Variants in CHD7 observed in about 807,000 individuals in gnomAD.
CHD7 encodes the protein ATP-dependent chromatin remodeler CHD7.
In CHD7, 24 loss-of-function variants were observed where a neutral mutation model predicts 307.3. That is an observed-to-expected ratio of 0.08 (90% CI 0.06 to 0.11). The LOEUF is 0.11. Among genes scored for constraint, CHD7 ranks in the 10% least tolerant of loss-of-function variants. The pLI is 1.00. For synonymous variants in CHD7, 1,363 were observed against 1,349.9 expected (o/e 1.01, Z -0.21); for missense variants, 3,106 against 3,727.1 (o/e 0.83, Z 4.34).
At chr8:60,840,658 C>T (rs1474640751) in intron 19 of CHD7, among the ~76,000 whole-genome samples, 1 of 150,082 alleles carries the variant, frequency 6.7e-6, no homozygotes, top group Admixed American at 6.7e-5. Flanking sequence ...TGCTCTGTTG[C>T]CCAGGTTGGA....
chr8:60,811,626 T>C (rs1812812036), intron 7 of CHD7, among the ~76,000 whole-genome samples: 1 of 152,216 alleles, frequency 6.6e-6, no homozygotes, highest in East Asian at 1.9e-4. Flanking sequence ...CGGATAATGC[T>C]ACAATATATA....
intron 2 of CHD7, among the ~76,000 whole-genome samples, chr8:60,763,993 T>C (rs925291223): frequency 6.6e-5 from 10 of 152,172 alleles, no homozygotes; most frequent in Admixed American, 5.9e-4. Flanking sequence ...TCTTTTGTTC[T>C]TTCTTTTTTT....
At chr8:60,806,312 G>A (rs1046679264) in intron 6 of CHD7, among the ~76,000 whole-genome samples, 13 of 152,032 alleles carry the variant, frequency 8.6e-5, no homozygotes, top group Admixed American at 2.6e-4. Flanking sequence ...GCAGTGAGCC[G>A]AGATTGCGCC....
chr8:60,787,232 C>A (rs754673605), intron 3 of CHD7, among the ~76,000 whole-genome samples: 2 of 152,124 alleles, frequency 1.3e-5, no homozygotes, highest in Non-Finnish European at 2.9e-5. Flanking sequence ...TCACCTGAGG[C>A]ACCTGATTGA....
In CHD7 at chr8:60,836,326, T is replaced by C. The variant is rs747931886; in HGVS notation, c.3989+43T>C. On this transcript the variant is annotated intron_variant, in intron 16 of 37. Transcript: ENST00000423902. The stretch of plus-strand genomic sequence containing the variant: ...AGAATAATAAAAAGGAAATCTAAAA[T>C]TACCTTCCCAGGGGTCCAAGCAGTC... 3.9e-6 allele frequency: 6 copies of C among 1,557,416 alleles called. No homozygotes were observed. In the African/African-American group the frequency reaches 8.2e-5, roughly 21 times the overall value.
intron 3 of CHD7, among the ~76,000 whole-genome samples, chr8:60,781,754 A>T (rs1811247258): frequency 6.6e-6 from 1 of 152,214 alleles, no homozygotes; most frequent in Non-Finnish European, 1.5e-5. Context: ...CAGCAACCTC[A>T]TTTTCAGTGA....
intron 14 of CHD7, 132 bp from the exon 15 acceptor site, chr8:60,830,190 A>T (rs1804443338): frequency 1.1e-6 from 1 of 894,698 alleles, no homozygotes; most frequent in Non-Finnish European, 1.7e-6. Flanking sequence ...GAGCTCCTTC[A>T]TACTCTCACT....
In CHD7 at chr8:60,777,635, T is replaced by TCG. The variant is rs1442863444; in HGVS notation, c.1666-3365_1666-3364insCG. ...AATTTGCATCTTGTCCATTCTGCTG[T>TCG]TTTATATACGATAATTTAGTTGTAT... On this transcript the variant is annotated intron_variant, in intron 2 of 37. Transcript: ENST00000423902. Among the ~76,000 whole-genome samples the TCG allele has an allele frequency of 1.3e-4, 20 of 152,214 alleles. 1 individual carries two copies. The highest frequency in any genetic ancestry group is 4.6e-4 in the Admixed American group (7 of 15,278).
At position 60,833,880 on chromosome 8, in the gene CHD7, T is replaced by A. The variant is rs78587023; in HGVS notation, c.3779-2193T>A. On this transcript the variant is annotated intron_variant, in intron 15 of 37. Coordinates refer to ENST00000423902, the MANE Select transcript of CHD7 (RefSeq NM_017780.4). ...TTCCTCCCCAACACTCTTCCCACCC[T>A]CTTTCCTTCAATGTTGCCACAATAA... is the stretch of plus-strand genomic sequence containing the variant. 2.1e-4 allele frequency among the ~76,000 whole-genome samples: 32 copies of A among 152,334 alleles called. 1 individual carries two copies. The East Asian group carries it at 6.2e-3, about 29-fold the overall frequency.
At chr8:60,783,723 G>T (rs368570685) in intron 3 of CHD7, among the ~76,000 whole-genome samples, 1 of 152,250 alleles carries the variant, frequency 6.6e-6, no homozygotes, top group East Asian at 1.9e-4. Flanking sequence ...GGATTTACAG[G>T]TTAAACGGGA....
intron 1 of CHD7, among the ~76,000 whole-genome samples, chr8:60,725,525 T>C (rs1390965952): frequency 1.3e-5 from 2 of 152,244 alleles, no homozygotes; most frequent in African/African-American, 4.8e-5. Flanking sequence ...GACATTAAGC[T>C]ATTTTATTGT....
At position 60,854,367 on chromosome 8, in the gene CHD7, A is replaced by G. The variant is rs777945326; in HGVS notation, c.6780A>G (p.Gly2260=). The stretch of plus-strand genomic sequence containing the variant: ...GCACATTAACTCATTTCTCAGCAGG[A>G]GCTGTCTCTAGAGGGAAGAATTTTG... ...KSEESSQPEA[G]AVSRGKNFDE... is the part of the protein sequence containing the mutation. The change falls in exon 32 of 38, where the codon GGA becomes GGG. Residue 2260 remains glycine, a synonymous_variant. Coordinates refer to ENST00000423902, the MANE Select transcript of CHD7 (RefSeq NM_017780.4). The G allele has an allele frequency of 8.7e-6, 14 of 1,613,386 alleles. No individual in the cohort carries two copies. The South Asian group carries it at 1.5e-4, about 18-fold the overall frequency.
At chr8:60,719,634 A>G (rs1807796369) in intron 1 of CHD7, among the ~76,000 whole-genome samples, 1 of 152,166 alleles carries the variant, frequency 6.6e-6, no homozygotes, top group Non-Finnish European at 1.5e-5. Flanking sequence ...AAAGTGTACA[A>G]AGCACATTCT....
At chr8:60,685,864 C>T (rs1389449765) in intron 1 of CHD7, among the ~76,000 whole-genome samples, 1 of 152,108 alleles carries the variant, frequency 6.6e-6, no homozygotes, top group Non-Finnish European at 1.5e-5. Flanking sequence ...AAATACAGGA[C>T]AGTAATTTTG....
At chr8:60,700,062 T>C (rs1720549706) in intron 1 of CHD7, among the ~76,000 whole-genome samples, 1 of 152,120 alleles carries the variant, frequency 6.6e-6, no homozygotes, top group African/African-American at 2.4e-5. Context: ...GCTCTCGAAC[T>C]CCCGACCTCA....
intron 3 of CHD7, among the ~76,000 whole-genome samples, chr8:60,784,792 A>G (rs1468374023): frequency 1.3e-5 from 2 of 152,206 alleles, no homozygotes; most frequent in Non-Finnish European, 2.9e-5. Flanking sequence ...ACATAGAGTG[A>G]TGGTGAAGCA....
In CHD7 at chr8:60,742,318, A is replaced by G. The variant is rs1444138516; in HGVS notation, c.886A>G (p.Ser296Gly). 6.2e-7 allele frequency: 1 copy of G among 1,613,998 alleles called. No individual in the cohort carries two copies. The highest frequency in any genetic ancestry group is 8.5e-7 in the Non-Finnish European group (1 of 1,179,888). ...GCAAACCCTTAACTTTAGTTCTCGG[A>G]GCCAGACAGTCCCCTCTCCTACTAT... The part of the protein sequence containing the change: ...RPQTLNFSSR[S>G]QTVPSPTINN... The change falls in exon 2 of 38, where the codon AGC becomes GGC. Residue 296 changes from serine to glycine, a missense_variant. Transcript: ENST00000423902.
intron 27 of CHD7, 33 bp downstream of exon 27, chr8:60,851,137 C>T: frequency 6.6e-7 from 1 of 1,509,604 alleles, no homozygotes. Context: ...TTTTATAGCT[C>T]CATTAAAATA....
chr8:60,799,455 A>T (rs943896929), intron 4 of CHD7, among the ~76,000 whole-genome samples: 1 of 152,220 alleles, frequency 6.6e-6, no homozygotes, highest in South Asian at 2.1e-4. Context: ...ATTATATTTT[A>T]AAAAGTAAAA....
Sources: allele counts gnomAD v4.1 joint callset (sites outside exome capture counted in the v4.1 genomes callset), GRCh38; gene constraint gnomAD v4.1.1; transcripts MANE v1.5; gene names NCBI Gene and HGNC (gene_info 2026-07-23, HGNC 2026-07-21).